CDH4: variants seen among roughly 807,000 people sequenced by gnomAD.
CDH4 encodes cadherin 4, also known as cadherin-4.
CDH4 carries 33 observed loss-of-function variants against 86.0 expected under a neutral mutation model. That is an observed-to-expected ratio of 0.38 (90% CI 0.29 to 0.51). The LOEUF (loss-of-function observed/expected upper bound fraction) is 0.51. Among genes scored for constraint, CDH4 ranks in the 20% least tolerant of loss-of-function variants. The probability of loss-of-function intolerance (pLI) is 0.86; values close to 1 mark genes in which losing one functional copy is unlikely to be tolerated. For synonymous variants in CDH4, 555 were observed against 549.4 expected (o/e 1.01, Z -0.14); for missense variants, 1,114 against 1,307.4 (o/e 0.85, Z 2.28).
intron 2 of CDH4, among the ~76,000 whole-genome samples, chr20:61,630,119 A>G (rs1175299885): frequency 6.6e-6 from 1 of 152,208 alleles, no homozygotes; most frequent in African/African-American, 2.4e-5. Context: ...CAGGATGCAG[A>G]GCAGTGCTCG....
intron 2 of CDH4, among the ~76,000 whole-genome samples, chr20:61,688,661 A>G (rs547541737): frequency 6.6e-6 from 1 of 152,374 alleles, no homozygotes; most frequent in African/African-American, 2.4e-5. Flanking sequence ...GGCCCACGCT[A>G]TAACCATGTG....
chr20:61,377,332 AG>A lies in CDH4; in HGVS notation c.169+122398del, dbSNP rs1422471350. ...GACTCCTGGGCCCTGACGAATCCAA[AG>A]GGTCCCCATTCCATGTCTAAGTGCC... On this transcript the variant is annotated intron_variant, in intron 2 of 15. Transcript: ENST00000614565. The surrounding 1 kb of genome is among the most constrained non-coding windows in gnomAD (Gnocchi z 4.0). Among the ~76,000 whole-genome samples, 1 of 152,114 alleles carries A rather than the reference AG, an allele frequency of 6.6e-6. No homozygotes were observed. The highest frequency in any genetic ancestry group is 1.5e-5 in the Non-Finnish European group (1 of 68,022).
At chr20:61,489,153 A>G (rs1353847079) in intron 2 of CDH4, among the ~76,000 whole-genome samples, 1 of 152,080 alleles carries the variant, frequency 6.6e-6, no homozygotes, top group Non-Finnish European at 1.5e-5. Context: ...TCTTCTCAGG[A>G]GAACTGAGAA....
At chr20:61,770,917 G>C (rs936399180) in intron 3 of CDH4, among the ~76,000 whole-genome samples, 3 of 149,876 alleles carry the variant, frequency 2.0e-5, no homozygotes, top group African/African-American at 7.3e-5. Flanking sequence ...TAAAAGGAAG[G>C]AAGTAAAATA....
At chr20:61,643,865 GC>G (rs2087035687) in intron 2 of CDH4, among the ~76,000 whole-genome samples, 1 of 152,372 alleles carries the variant, frequency 6.6e-6, no homozygotes, top group African/African-American at 2.4e-5. Context: ...AGTAGGCGGA[GC>G]CCCTGCTACA....
intron 2 of CDH4, among the ~76,000 whole-genome samples, chr20:61,729,303 A>G (rs1600921421): frequency 6.6e-6 from 1 of 152,340 alleles, no homozygotes; most frequent in Admixed American, 6.5e-5. Context: ...GGGCACCAGT[A>G]GGACTGGCTA....
At chr20:61,343,514 A>T (rs2084660179) in intron 2 of CDH4, among the ~76,000 whole-genome samples, 1 of 152,226 alleles carries the variant, frequency 6.6e-6, no homozygotes, top group Non-Finnish European at 1.5e-5. Context: ...GATGTGTTTA[A>T]GAAACACATC....
chr20:61,462,794 T>G (rs1425519865), intron 2 of CDH4, among the ~76,000 whole-genome samples: 1 of 152,162 alleles, frequency 6.6e-6, no homozygotes, highest in African/African-American at 2.4e-5. Flanking sequence ...TGAGGAAGAT[T>G]TACATCATCC....
chr20:61,406,650 A>G (rs1310083641), intron 2 of CDH4, among the ~76,000 whole-genome samples: 27 of 136,492 alleles, frequency 2.0e-4, no homozygotes, highest in African/African-American at 7.1e-4. Flanking sequence ...CTGGACCACC[A>G]TCTGCTCTGC....
chr20:61,918,008 G>A (rs6061892), intron 9 of CDH4, among the ~76,000 whole-genome samples: 7,507 of 152,326 alleles, frequency 0.049, 204 homozygotes, highest in Non-Finnish European at 0.064. Context: ...CTTGTTCATA[G>A]CGCTACCACG....
At chr20:61,268,474 GA>G (rs1366953569) in intron 2 of CDH4, among the ~76,000 whole-genome samples, 1 of 152,234 alleles carries the variant, frequency 6.6e-6, no homozygotes, top group Non-Finnish European at 1.5e-5. Context: ...CTTGAAAGAG[GA>G]AGATACCTTT....
At chr20:61,316,325 C>A (rs1322661846) in intron 2 of CDH4, among the ~76,000 whole-genome samples, 3 of 152,240 alleles carry the variant, frequency 2.0e-5, no homozygotes, top group Non-Finnish European at 4.4e-5. Context: ...ATGGAAAAGG[C>A]ACTGCGGCCC....
chr20:61,713,853 A>T (rs1450388160), intron 2 of CDH4, among the ~76,000 whole-genome samples: 2 of 152,202 alleles, frequency 1.3e-5, no homozygotes, highest in East Asian at 3.9e-4. Flanking sequence ...TTTACCAGTG[A>T]CACCTTCTCA....
chr20:61,563,536 T>C (rs973643404), intron 2 of CDH4, among the ~76,000 whole-genome samples: 1 of 152,226 alleles, frequency 6.6e-6, no homozygotes, highest in African/African-American at 2.4e-5. Context: ...TGGTAGCTGC[T>C]GCTCCAGGGG....
intron 2 of CDH4, among the ~76,000 whole-genome samples, chr20:61,477,265 T>A (rs1053024250): frequency 6.6e-6 from 1 of 152,160 alleles, no homozygotes; most frequent in Non-Finnish European, 1.5e-5. Context: ...GCAAATGCAG[T>A]GCAAGGGGGC....
At chr20:61,688,918 G>C (rs898506470) in intron 2 of CDH4, among the ~76,000 whole-genome samples, 1 of 152,238 alleles carries the variant, frequency 6.6e-6, no homozygotes, top group Non-Finnish European at 1.5e-5. Flanking sequence ...CCTCCTTCAA[G>C]ATCTTCTCCT....
intron 2 of CDH4, among the ~76,000 whole-genome samples, chr20:61,266,201 C>T (rs535305442): frequency 1.3e-5 from 2 of 152,194 alleles, no homozygotes; most frequent in South Asian, 4.1e-4. Flanking sequence ...GGCCCTGGTA[C>T]AGCCGCAGGT....
At position 61,392,045 on chromosome 20, in the gene CDH4, C is replaced by T. The variant is rs1198557797; in HGVS notation, c.169+137108C>T. 6.6e-6 allele frequency among the ~76,000 whole-genome samples: 1 copy of T among 152,028 alleles called. No homozygotes were observed. The highest frequency in any genetic ancestry group is 1.9e-4 in the East Asian group (1 of 5,162). Reference sequence around the variant, plus strand: ...GAGCTGGCTACTTCTCAACCCTTCCCCCGCCTCGCTTGCCGTGGGTTTCAG... The same window carrying T: ...GAGCTGGCTACTTCTCAACCCTTCCTCCGCCTCGCTTGCCGTGGGTTTCAG... On this transcript the variant is annotated intron_variant, in intron 2 of 15. Coordinates refer to ENST00000614565, the MANE Select transcript of CDH4 (RefSeq NM_001794.5). The surrounding 1 kb of genome is among the most constrained non-coding windows in gnomAD (Gnocchi z 5.7).
intron 2 of CDH4, among the ~76,000 whole-genome samples, chr20:61,364,863 G>T (rs888517418): frequency 3.3e-5 from 5 of 152,188 alleles, no homozygotes; most frequent in African/African-American, 1.2e-4. Flanking sequence ...GACGAGCAGT[G>T]GTGACAGCAC....
Sources: gnomAD v4.1 joint callset for allele counts (sites outside exome capture counted in the v4.1 genomes callset) on GRCh38, gnomAD v4.1.1 for gene constraint, Gnocchi (gnomAD v3.1) non-coding constraint, MANE v1.5 for transcripts, NCBI Gene and HGNC (gene_info 2026-07-23, HGNC 2026-07-21) for gene names.